The following EYA1 variants were observed in gnomAD, a reference collection of about 807,000 sequenced individuals.
The protein encoded by EYA1 is EYA transcriptional coactivator and phosphatase 1, also known as protein phosphatase EYA1.
In EYA1, 16 loss-of-function variants were observed where a neutral mutation model predicts 82.0. The observed-to-expected ratio is 0.20, with a 90% confidence interval of 0.13 to 0.30. The LOEUF (loss-of-function observed/expected upper bound fraction) is 0.30. Ranked by LOEUF, EYA1 falls within the 10% of genes least tolerant of loss-of-function variation. The probability of loss-of-function intolerance (pLI) is 1.00; values close to 1 mark genes in which losing one functional copy is unlikely to be tolerated. For synonymous variants in EYA1, 261 were observed against 264.4 expected (o/e 0.99, Z 0.12); for missense variants, 633 against 730.7 (o/e 0.87, Z 1.54).
chr8:71,515,936 T>C (rs1812942729), intron 2 of EYA1, among the ~76,000 whole-genome samples: 1 of 152,152 alleles, frequency 6.6e-6, no homozygotes, highest in South Asian at 2.1e-4. Context: ...TATACAAATA[T>C]ATACTTTTCA....
chr8:71,301,717 T>C (rs1820217200), intron 7 of EYA1, among the ~76,000 whole-genome samples: 1 of 152,156 alleles, frequency 6.6e-6, no homozygotes, highest in Non-Finnish European at 1.5e-5. Flanking sequence ...GGCAGAGAGC[T>C]CTCACAGTGC....
rs548307445 is a variant in EYA1 at position 71,411,954 on chromosome 8, C to A, written c.34-55443G>T. Among the ~76,000 whole-genome samples, 358 of 151,506 alleles carry A rather than the reference C, an allele frequency of 2.4e-3. 1 individual carries two copies. Among genetic ancestry groups the A allele is most frequent in the Non-Finnish European group, 3.9e-3 (265 of 67,888 alleles). ...CGTATGTTTATTGCAGCATTATTCA[C>A]AATAGCAAAGACTTGGAATCAAGCC... is the stretch of plus-strand genomic sequence containing the variant. On this transcript the variant is annotated intron_variant, in intron 2 of 18. Transcript: ENST00000643681.
intron 17 of EYA1, among the ~76,000 whole-genome samples, chr8:71,209,525 A>AAATT (rs2128829671): frequency 6.6e-6 from 1 of 152,276 alleles, no homozygotes; most frequent in Non-Finnish European, 1.5e-5. Context: ...ATCTAGTTTA[A>AAATT]AATTAGGGTC....
At chr8:71,521,249 C>T (rs1459234361) in intron 2 of EYA1, among the ~76,000 whole-genome samples, 1 of 151,956 alleles carries the variant, frequency 6.6e-6, no homozygotes, top group Non-Finnish European at 1.5e-5. Context: ...ACAAAAATGG[C>T]TGAATATGTT....
At chr8:71,484,767 C>T (rs1218372547) in intron 2 of EYA1, among the ~76,000 whole-genome samples, 1 of 152,260 alleles carries the variant, frequency 6.6e-6, no homozygotes, top group Non-Finnish European at 1.5e-5. Flanking sequence ...AGCTATTCCA[C>T]TTCCCACTAC....
In EYA1 at chr8:71,472,272, T is replaced by C. The variant is rs925884705; in HGVS notation, c.33+63472A>G. Among the ~76,000 whole-genome samples the C allele has an allele frequency of 5.3e-4, 80 of 152,142 alleles. 2 individuals are homozygous for C. The highest frequency in any genetic ancestry group is 2.1e-4 in the South Asian group (1 of 4,836). ...AATTGTCCTTTTCTCTCTGTCAACATTTTTGTTAAAGGAAAAGCACATGAC... is the reference window on the plus strand; with the variant it reads ...AATTGTCCTTTTCTCTCTGTCAACACTTTTGTTAAAGGAAAAGCACATGAC... On this transcript the variant is annotated intron_variant, in intron 2 of 18. Coordinates refer to the EYA1 transcript ENST00000643681.
chr8:71,271,647 A>G, intron 10 of EYA1, 111 bp downstream of exon 10: 1 of 1,160,904 alleles, frequency 8.6e-7, no homozygotes. Context: ...AGAAAGCAGT[A>G]ACAAAAGCAT....
At chr8:71,222,880 C>T (rs1243161178) in intron 12 of EYA1, among the ~76,000 whole-genome samples, 2 of 152,166 alleles carry the variant, frequency 1.3e-5, no homozygotes, top group Non-Finnish European at 2.9e-5. Context: ...AGAGGCTTCT[C>T]AGTTGTTTTG....
At chr8:71,273,831 C>T (rs772656871) in intron 9 of EYA1, among the ~76,000 whole-genome samples, 6 of 152,170 alleles carry the variant, frequency 3.9e-5, no homozygotes, top group Non-Finnish European at 7.3e-5. Flanking sequence ...TAAAAGACAT[C>T]GAGCAATGTA....
chr8:71,312,737 C>T (rs1425635406), intron 7 of EYA1, among the ~76,000 whole-genome samples: 1 of 152,180 alleles, frequency 6.6e-6, no homozygotes, highest in African/African-American at 2.4e-5. Flanking sequence ...AGGTTCTTAT[C>T]TTTTCAAAGT....
At chr8:71,455,180 A>G (rs978171940) in intron 2 of EYA1, among the ~76,000 whole-genome samples, 1 of 152,182 alleles carries the variant, frequency 6.6e-6, no homozygotes, top group African/African-American at 2.4e-5. Context: ...ATTCCTTGAC[A>G]CATACACCCC....
chr8:71,332,491 C>T (rs191793306), intron 4 of EYA1, among the ~76,000 whole-genome samples: 336 of 152,238 alleles, frequency 2.2e-3, no homozygotes, highest in African/African-American at 7.6e-3. Context: ...AATTCTACTT[C>T]GTAAATGAAA....
intron 2 of EYA1, among the ~76,000 whole-genome samples, chr8:71,418,952 G>T (rs947288230): frequency 3.3e-5 from 5 of 152,166 alleles, no homozygotes; most frequent in Admixed American, 6.6e-5. Context: ...AAGGCCTTAA[G>T]GTTAGAATAC....
intron 2 of EYA1, among the ~76,000 whole-genome samples, chr8:71,517,135 A>G (rs188796300): frequency 2.4e-4 from 37 of 151,340 alleles, no homozygotes; most frequent in Non-Finnish European, 4.3e-4. Flanking sequence ...CACCTTTAAC[A>G]CCCCTTCTTA....
At chr8:71,223,780 G>T (rs1810236417) in intron 12 of EYA1, among the ~76,000 whole-genome samples, 1 of 152,068 alleles carries the variant, frequency 6.6e-6, no homozygotes, top group Non-Finnish European at 1.5e-5. Context: ...ATGTTCTTTT[G>T]GACCAATCCC....
chr8:71,336,644 G>A (rs1475188632), intron 3 of EYA1, among the ~76,000 whole-genome samples: 1 of 152,100 alleles, frequency 6.6e-6, no homozygotes, highest in Non-Finnish European at 1.5e-5. Context: ...TTAAAACTAG[G>A]CAAAAAGGTT....
At chr8:71,320,078 C>T (rs924234308) in intron 6 of EYA1, among the ~76,000 whole-genome samples, 1 of 152,272 alleles carries the variant, frequency 6.6e-6, no homozygotes, top group African/African-American at 2.4e-5. Flanking sequence ...AGTTCTTATT[C>T]TATTCCCAGA....
intron 9 of EYA1, among the ~76,000 whole-genome samples, chr8:71,275,860 A>G (rs1390149321): frequency 1.3e-5 from 2 of 152,182 alleles, no homozygotes; most frequent in African/African-American, 4.8e-5. Context: ...CTTCAATATT[A>G]TTTGACCCCT....
intron 3 of EYA1, among the ~76,000 whole-genome samples, chr8:71,338,054 G>C (rs1219415597): frequency 6.6e-6 from 1 of 152,194 alleles, no homozygotes; most frequent in Non-Finnish European, 1.5e-5. Flanking sequence ...TCACTATAGT[G>C]TCTCTTTACG....
Sources: allele counts gnomAD v4.1 joint callset (sites outside exome capture counted in the v4.1 genomes callset), GRCh38; gene constraint gnomAD v4.1.1; transcripts MANE v1.5; gene names NCBI Gene and HGNC (gene_info 2026-07-23, HGNC 2026-07-21).